Variants in VSIG1 observed in about 807,000 individuals in gnomAD.
VSIG1 encodes the protein V-set and immunoglobulin domain containing 1, also known as V-set and immunoglobulin domain-containing protein 1.
In VSIG1, 11 loss-of-function variants were observed where a neutral mutation model predicts 20.1. That is an observed-to-expected ratio of 0.55 (90% confidence interval 0.34 to 0.91). The LOEUF (loss-of-function observed/expected upper bound fraction) is 0.91. Ranked by LOEUF, VSIG1 falls within the 40% of genes least tolerant of loss-of-function variation. VSIG1 has a pLI of 0.02. For synonymous variants in VSIG1, 126 were observed against 116.7 expected (o/e 1.08, Z -0.52); for missense variants, 283 against 298.8 (o/e 0.95, Z 0.39).
upstream of VSIG1, among the ~76,000 whole-genome samples, chrX:108,040,087 A>G (rs2030456064): frequency 9.0e-6 from 1 of 111,594 alleles, no homozygotes; most frequent in Non-Finnish European, 1.9e-5. Context: ...TTAAAAAGGA[A>G]AGTGATAGAC....
At chrX:108,041,200 A>G (rs1483969457), upstream of VSIG1, among the ~76,000 whole-genome samples, 2 of 108,975 alleles carry the variant, frequency 1.8e-5, no homozygotes, top group South Asian at 4.1e-4. Context: ...AATGCGTGCT[A>G]TGGTGACCTT....
chrX:108,026,877 T>C, the VSIG1 span, among the ~76,000 whole-genome samples: 2 of 111,807 alleles, frequency 1.8e-5, no homozygotes, highest in East Asian at 2.8e-4. Flanking sequence ...GCGTTAAGAT[T>C]ATGACACTAT....
intron 1 of VSIG1, among the ~76,000 whole-genome samples, chrX:108,048,408 G>A (rs1397024017): frequency 8.9e-6 from 1 of 112,363 alleles, no homozygotes; most frequent in African/African-American, 3.2e-5. Context: ...TAGGATACAT[G>A]TGCACAACGT....
chrX:108,073,939 C>T (rs772154288), intron 5 of VSIG1: 1 of 111,494 alleles, frequency 9.0e-6, no homozygotes, highest in Non-Finnish European at 1.9e-5. Context: ...ATGACTTGCC[C>T]AAGGTCATCC....
the VSIG1 span, among the ~76,000 whole-genome samples, chrX:108,035,200 G>A: frequency 9.0e-6 from 1 of 111,011 alleles, no homozygotes; most frequent in East Asian, 2.8e-4. Context: ...CTGGGTTCAA[G>A]CGGTTCTCCT....
At chrX:108,073,150 G>A in intron 4 of VSIG1, 100 bp from the exon 5 acceptor site, 3 of 988,961 alleles carry the variant, frequency 3.0e-6, no homozygotes, top group South Asian at 4.5e-5. Flanking sequence ...AGAAAGAGAG[G>A]CCAATATGGG....
chrX:108,033,448 G>A, the VSIG1 span, among the ~76,000 whole-genome samples: 43 of 112,160 alleles, frequency 3.8e-4, no homozygotes, highest in African/African-American at 1.3e-3. Context: ...CTGCACCCAG[G>A]TGTAAGCACA....
intron 3 of VSIG1, among the ~76,000 whole-genome samples, chrX:108,068,956 T>TTCATAACAG (rs1194711584): frequency 9.0e-6 from 1 of 111,546 alleles, no homozygotes; most frequent in Non-Finnish European, 1.9e-5. Flanking sequence ...TTATGAACAG[T>TTCATAACAG]TTTGTTATTT....
intron 2 of VSIG1, among the ~76,000 whole-genome samples, chrX:108,058,805 G>A (rs62601378): frequency 1.3e-3 from 149 of 111,748 alleles, no homozygotes; most frequent in Non-Finnish European, 2.2e-3. Flanking sequence ...AAAAGGATGG[G>A]TTGAAAGTCA....
rs1037683890 is a variant in VSIG1, at chrX:108,064,856, G to C, written c.214-2080G>C. The C allele has an allele frequency of 9.2e-6, 5 of 543,938 alleles. No individual in the cohort carries two copies. In the African/African-American group the frequency reaches 1.3e-4, roughly 14 times the overall value. The allele number at this position is 543,938 out of a possible 1,213,427, so 44.8% of individuals were successfully genotyped here. A position where few individuals can be genotyped will look rare whatever the true frequency, so the allele number is the denominator to read the frequency against. Reference sequence around the variant, plus strand: ...AAGCCCCATGCTGCCTAGTGAAATTGAAAGCCTGATAGCGTGGGTGCCAAC... The same window carrying C: ...AAGCCCCATGCTGCCTAGTGAAATTCAAAGCCTGATAGCGTGGGTGCCAAC... On this transcript the variant is annotated intron_variant, in intron 2 of 6. Coordinates refer to ENST00000217957, the MANE Select transcript of VSIG1 (RefSeq NM_182607.5).
At chrX:108,044,985 T>C, upstream of VSIG1, 1 of 366,724 alleles carries the variant, frequency 2.7e-6, no homozygotes, top group East Asian at 4.4e-5. Context: ...CTATACGCAA[T>C]AAGTAAGCCC....
chrX:108,041,288 G>C (rs2030475398), upstream of VSIG1, among the ~76,000 whole-genome samples: 1 of 110,653 alleles, frequency 9.0e-6, no homozygotes, highest in Admixed American at 9.7e-5. Flanking sequence ...TGTTGTATTG[G>C]AAAGCTACAT....
At chrX:108,036,811 C>T in the VSIG1 span, among the ~76,000 whole-genome samples, 5 of 111,964 alleles carry the variant, frequency 4.5e-5, no homozygotes, top group South Asian at 1.1e-3. Flanking sequence ...CCAGAGGGCA[C>T]ATTTAGGGAC....
chrX:108,044,232 C>T (rs781645209), upstream of VSIG1, among the ~76,000 whole-genome samples: 34 of 111,277 alleles, frequency 3.1e-4, no homozygotes, highest in South Asian at 1.1e-3. Context: ...CAGAGAAAGT[C>T]CTTAGGTTTC....
At chrX:108,075,970 C>A (rs1677335729) in intron 5 of VSIG1, 107 bp from the exon 6 acceptor site, 3 of 1,023,220 alleles carry the variant, frequency 2.9e-6, no homozygotes, top group South Asian at 2.4e-5. Flanking sequence ...CTATACAAGT[C>A]ATTTTCCCAC....
At chrX:108,045,302 G>C in intron 1 of VSIG1, 123 bp downstream of exon 1, 1 of 518,695 alleles carries the variant, frequency 1.9e-6, no homozygotes, top group South Asian at 5.8e-5. Context: ...TGATTAGTAT[G>C]ATGAGTTAAT....
the VSIG1 span, among the ~76,000 whole-genome samples, chrX:108,025,711 A>G: frequency 3.5e-5 from 4 of 112,842 alleles, no homozygotes; most frequent in African/African-American, 1.3e-4. Context: ...TTAAAATACC[A>G]TTGGCACTTT....
Position 108,058,210 on chromosome X carries a change from A to C in VSIG1, c.213+9A>C. 3.3e-6 allele frequency: 4 copies of C among 1,200,510 alleles called. No individual in the cohort carries two copies. The highest frequency in any genetic ancestry group is 4.5e-6 in the Non-Finnish European group (4 of 889,536). On this transcript the variant is annotated intron_variant, in intron 2 of 6. Coordinates refer to ENST00000217957, the MANE Select transcript of VSIG1 (RefSeq NM_182607.5). ...AGATGGAGCCAATTTCTGTAAGGAC[A>C]CTTTTTCCTAAACTCTTCCCCTTTT...
intron 3 of VSIG1, among the ~76,000 whole-genome samples, chrX:108,069,929 T>C (rs977167525): frequency 3.6e-5 from 4 of 111,727 alleles, no homozygotes; most frequent in Admixed American, 1.9e-4. Context: ...TTGAAGGATG[T>C]GCAAGAGTGT....
Sources: allele counts gnomAD v4.1 joint callset (sites outside exome capture counted in the v4.1 genomes callset), GRCh38; gene constraint gnomAD v4.1.1; transcripts MANE v1.5; gene names NCBI Gene and HGNC (gene_info 2026-07-23, HGNC 2026-07-21).